Variants in SAMD3 observed in about 807,000 individuals in gnomAD.
The protein encoded by SAMD3 is sterile alpha motif domain containing 3, also known as sterile alpha motif domain-containing protein 3.
Under a neutral mutation model 58.5 loss-of-function variants are expected in SAMD3, and 63 were observed. That is an observed-to-expected ratio of 1.08 (90% confidence interval 0.88 to 1.33). SAMD3 has a LOEUF of 1.33. Ranked by LOEUF, SAMD3 falls within the 40% of genes most tolerant of loss-of-function variation. SAMD3 has a pLI of 0.00. For synonymous variants in SAMD3, 220 were observed against 210.3 expected (o/e 1.05, Z -0.40); for missense variants, 604 against 608.4 (o/e 0.99, Z 0.08).
intron 9 of SAMD3, among the ~76,000 whole-genome samples, chr6:130,152,828 C>T (rs1456959431): frequency 6.6e-6 from 1 of 152,170 alleles, no homozygotes; most frequent in Non-Finnish European, 1.5e-5. Flanking sequence ...CAGCAGGAGG[C>T]CTGGACAAAA....
At chr6:130,292,009 T>C (rs1486922312) in intron 2 of SAMD3, among the ~76,000 whole-genome samples, 1 of 152,200 alleles carries the variant, frequency 6.6e-6, no homozygotes, top group African/African-American at 2.4e-5. Context: ...TGACCTTTAT[T>C]ATTAAGCTAA....
At chr6:130,310,989 T>C (rs1004920972) in intron 2 of SAMD3, among the ~76,000 whole-genome samples, 2 of 152,120 alleles carry the variant, frequency 1.3e-5, no homozygotes, top group East Asian at 1.9e-4. Flanking sequence ...ACCAGCCCAA[T>C]GCGAGGGCAC....
chr6:130,223,239 T>A (rs932323537), upstream of SAMD3, among the ~76,000 whole-genome samples: 5 of 152,208 alleles, frequency 3.3e-5, no homozygotes, highest in African/African-American at 1.2e-4. Flanking sequence ...GAATTCAAAG[T>A]CAAGGACTCA....
exon 1 of SAMD3, chr6:130,365,300 CGTGCTTCAGTTCCCTCT>C: frequency 1.0e-6 from 1 of 985,366 alleles, no homozygotes; most frequent in Non-Finnish European, 1.2e-6. Context: ...CGAAGACCCC[CGTGCTTCAGTTCCCTCT>C]GTCTTCCATT....
intron 2 of SAMD3, among the ~76,000 whole-genome samples, chr6:130,231,377 A>G (rs61745774): frequency 0.14 from 21,716 of 152,028 alleles, 1,756 homozygotes; most frequent in East Asian, 0.36. Flanking sequence ...TAGCCTGGCC[A>G]ACATGGTGAA....
intron 2 of SAMD3, among the ~76,000 whole-genome samples, chr6:130,230,866 T>C (rs575035673): frequency 8.7e-4 from 133 of 152,304 alleles, no homozygotes; most frequent in African/African-American, 2.6e-3. Context: ...GCTAAGACAT[T>C]AAGGAAGAGT....
At chr6:130,256,761 T>G (rs948427520) in intron 2 of SAMD3, among the ~76,000 whole-genome samples, 1 of 152,246 alleles carries the variant, frequency 6.6e-6, no homozygotes, top group Non-Finnish European at 1.5e-5. Flanking sequence ...GGTTTCAAAC[T>G]TATTTTAAAC....
intron 2 of SAMD3, among the ~76,000 whole-genome samples, chr6:130,229,387 C>T (rs992917834): frequency 3.3e-5 from 5 of 152,152 alleles, no homozygotes; most frequent in Non-Finnish European, 5.9e-5. Context: ...AGTGGCGGAT[C>T]CCCAGGAAGA....
chr6:130,205,131 T>C (rs1260125438), intron 5 of SAMD3, among the ~76,000 whole-genome samples: 1 of 142,914 alleles, frequency 7.0e-6, no homozygotes, highest in African/African-American at 2.6e-5. Context: ...GAATGGCTTA[T>C]AGAGCCCTGG....
At chr6:130,273,470 G>C in intron 2 of SAMD3, among the ~76,000 whole-genome samples, 1 of 152,018 alleles carries the variant, frequency 6.6e-6, no homozygotes. Context: ...TCTTTTGATT[G>C]GGGACTTTAA....
At chr6:130,328,367 C>A (rs971800706) in intron 1 of SAMD3, among the ~76,000 whole-genome samples, 2 of 152,188 alleles carry the variant, frequency 1.3e-5, no homozygotes, top group African/African-American at 4.8e-5. Flanking sequence ...CCTAGAGGCT[C>A]TGGCTAGGGT....
Position 130,175,830 on chromosome 6 carries a change from T to C in SAMD3, c.822+11A>G. On this transcript the variant is annotated intron_variant, in intron 8 of 11. Coordinates refer to ENST00000439090, the MANE Select transcript of SAMD3 (RefSeq NM_001017373.4). ...ATCAAGTCATCAGAACATTTAGGAA[T>C]TCAATCTTACTTTTATCTGGACAAG... 1 of 1,575,190 alleles carries C rather than the reference T, an allele frequency of 6.3e-7. No individual in the cohort carries two copies. The highest frequency in any genetic ancestry group is 8.7e-7 in the Non-Finnish European group (1 of 1,147,400).
chr6:130,165,259 G>A (rs985040444), intron 8 of SAMD3, among the ~76,000 whole-genome samples: 28 of 152,108 alleles, frequency 1.8e-4, no homozygotes, highest in Middle Eastern at 3.4e-3. Context: ...TATTTAAAAC[G>A]CTTAAAGCAA....
At chr6:130,296,685 G>A (rs1775581469) in intron 2 of SAMD3, among the ~76,000 whole-genome samples, 1 of 152,174 alleles carries the variant, frequency 6.6e-6, no homozygotes, top group Admixed American at 6.5e-5. Flanking sequence ...ATACAGAGCA[G>A]TAGCATCTAG....
rs145959338 is a variant in SAMD3, at chr6:130,291,478, G to C, written c.-188+21500C>G. On this transcript the variant is annotated intron_variant, in intron 2 of 13. Transcript: ENST00000368134. Reference sequence around the variant, plus strand: ...ATGGTTGACTCTGTAGTTTGATAGAGAATAACAAGTTAGCCATCTGTCAGC... The same window carrying C: ...ATGGTTGACTCTGTAGTTTGATAGACAATAACAAGTTAGCCATCTGTCAGC... 7.9e-4 allele frequency among the ~76,000 whole-genome samples: 121 copies of C among 152,284 alleles called. 2 individuals are homozygous for C. The East Asian group carries it at 0.021, about 26-fold the overall frequency.
intron 8 of SAMD3, among the ~76,000 whole-genome samples, chr6:130,172,139 C>A (rs935415599): frequency 6.6e-6 from 1 of 152,166 alleles, no homozygotes; most frequent in African/African-American, 2.4e-5. Flanking sequence ...ATGCAGCACA[C>A]TGATGGGTCT....
At chr6:130,297,010 C>T (rs1310213958) in intron 2 of SAMD3, among the ~76,000 whole-genome samples, 1 of 152,204 alleles carries the variant, frequency 6.6e-6, no homozygotes, top group Non-Finnish European at 1.5e-5. Context: ...GGTGCTTCCA[C>T]TCATCATCAG....
At chr6:130,242,818 G>T (rs1018377568) in intron 2 of SAMD3, among the ~76,000 whole-genome samples, 1 of 152,206 alleles carries the variant, frequency 6.6e-6, no homozygotes, top group African/African-American at 2.4e-5. Context: ...TTTGCCTTCA[G>T]CTTAGGAAGC....
rs112634779 is a variant in SAMD3 at position 130,164,710 on chromosome 6, G to A, written c.823-9685C>T. Among the ~76,000 whole-genome samples the A allele has an allele frequency of 1.7e-3, 256 of 152,000 alleles. 1 individual carries two copies. Among genetic ancestry groups the A allele is most frequent in the Non-Finnish European group, 3.3e-3 (224 of 67,992 alleles). On this transcript the variant is annotated intron_variant, in intron 8 of 11. Transcript: ENST00000439090. Reference sequence around the variant, plus strand: ...TCCCCCTTACCCAAGGACATGGCTCGATCATCTAGAATGTTGTCAGTTGTC... The same window carrying A: ...TCCCCCTTACCCAAGGACATGGCTCAATCATCTAGAATGTTGTCAGTTGTC...
Sources: gnomAD v4.1 joint callset for allele counts (sites outside exome capture counted in the v4.1 genomes callset) on GRCh38, gnomAD v4.1.1 for gene constraint, MANE v1.5 for transcripts, NCBI Gene and HGNC (gene_info 2026-07-23, HGNC 2026-07-21) for gene names.